The following TAFA1 variants were observed in gnomAD, a reference collection of about 807,000 sequenced individuals.
The protein encoded by TAFA1 is chemokine-like protein TAFA-1.
A neutral mutation model predicts 18.5 loss-of-function variants in TAFA1; 4 were observed. The ratio of observed to expected loss-of-function variants is 0.22; its 90% CI spans 0.11 to 0.49. The LOEUF is 0.49. TAFA1 is among the 20% of genes least tolerant of loss of function. TAFA1 has a pLI of 0.98. For synonymous variants in TAFA1, 56 were observed against 55.2 expected (o/e 1.01, Z -0.06); for missense variants, 147 against 169.0 (o/e 0.87, Z 0.72).
chr3:68,466,692 G>A (rs2071891510), intron 3 of TAFA1, among the ~76,000 whole-genome samples: 1 of 152,076 alleles, frequency 6.6e-6, no homozygotes, highest in Non-Finnish European at 1.5e-5. Flanking sequence ...AATAGCCCCT[G>A]ATTTCAATAT....
At chr3:68,395,080 A>G (rs2070347094) in intron 2 of TAFA1, among the ~76,000 whole-genome samples, 1 of 152,192 alleles carries the variant, frequency 6.6e-6, no homozygotes, top group African/African-American at 2.4e-5. Context: ...AGAAACTACA[A>G]GGAACTTAAA....
At chr3:68,065,438 G>A (rs2064660769) in intron 2 of TAFA1, among the ~76,000 whole-genome samples, 1 of 152,076 alleles carries the variant, frequency 6.6e-6, no homozygotes, top group Non-Finnish European at 1.5e-5. Flanking sequence ...ACATTACAAG[G>A]GCACGTAATG....
chr3:68,310,238 A>G (rs2068491928), intron 2 of TAFA1, among the ~76,000 whole-genome samples: 2 of 152,126 alleles, frequency 1.3e-5, no homozygotes, highest in Admixed American at 1.3e-4. Context: ...AGACTTCACC[A>G]CTTTTTCTAG....
intron 3 of TAFA1, among the ~76,000 whole-genome samples, chr3:68,529,428 C>T (rs1020492519): frequency 1.9e-5 from 2 of 105,970 alleles, no homozygotes; most frequent in African/African-American, 7.4e-5. Context: ...TCTAGATTCA[C>T]CATTCTCTAA....
At chr3:68,405,699 CAAAAAAAA>C (rs56258198) in intron 2 of TAFA1, among the ~76,000 whole-genome samples, 7,836 of 32,904 alleles carry the variant, frequency 0.24, 1,315 homozygotes, top group African/African-American at 0.41. Context: ...GACTCTATCT[CAAAAAAAA>C]AAAAAAAAAA....
Position 68,012,676 on chromosome 3 carries a change from A to G in TAFA1, c.118+5932A>G, listed in dbSNP as rs139424266. The stretch of plus-strand genomic sequence containing the variant: ...GGATTCATTTTTGGAATGAACATAT[A>G]TTGCTTTTTATCAAAAAGCTTAAAA... On this transcript the variant is annotated intron_variant, in intron 2 of 4. Coordinates refer to ENST00000478136, the MANE Select transcript of TAFA1 (RefSeq NM_213609.4). 3.5e-3 allele frequency among the ~76,000 whole-genome samples: 539 copies of G among 152,322 alleles called. 5 individuals carry two copies. Among genetic ancestry groups the G allele is most frequent in the African/African-American group, 0.013 (520 of 41,582 alleles).
intron 2 of TAFA1, among the ~76,000 whole-genome samples, chr3:68,402,470 G>A (rs9829777): frequency 2.0e-4 from 31 of 152,142 alleles, no homozygotes; most frequent in African/African-American, 5.8e-4. Flanking sequence ...TATGTAACTC[G>A]GTAGAGTCAA....
intron 2 of TAFA1, among the ~76,000 whole-genome samples, chr3:68,150,233 A>G (rs1179645664): frequency 6.6e-6 from 1 of 152,198 alleles, no homozygotes; most frequent in African/African-American, 2.4e-5. Flanking sequence ...AGATACAAAG[A>G]CGAATGAAGC....
chr3:68,277,380 T>C (rs191676807), intron 2 of TAFA1, among the ~76,000 whole-genome samples: 87 of 152,292 alleles, frequency 5.7e-4, no homozygotes, highest in African/African-American at 1.9e-3. Flanking sequence ...AGGATCCTTC[T>C]GGCTTTCTAT....
At chr3:68,343,698 AT>A (rs951790178) in intron 2 of TAFA1, among the ~76,000 whole-genome samples, 2 of 151,874 alleles carry the variant, frequency 1.3e-5, no homozygotes, top group Non-Finnish European at 2.9e-5. Flanking sequence ...GTTGCCACAT[AT>A]TTTTTTTATG....
chr3:68,271,677 G>A (rs932317540), intron 2 of TAFA1, among the ~76,000 whole-genome samples: 2 of 152,102 alleles, frequency 1.3e-5, no homozygotes, highest in East Asian at 1.9e-4. Context: ...TGTTTGTGTC[G>A]AATACCCCAC....
chr3:68,447,981 A>G (rs2071500053), intron 3 of TAFA1, among the ~76,000 whole-genome samples: 1 of 152,212 alleles, frequency 6.6e-6, no homozygotes, highest in African/African-American at 2.4e-5. Flanking sequence ...CCAAGGTTAA[A>G]TAATTTACCC....
intron 2 of TAFA1, among the ~76,000 whole-genome samples, chr3:68,293,906 T>G (rs2068158917): frequency 1.3e-5 from 2 of 152,096 alleles, no homozygotes; most frequent in Non-Finnish European, 2.9e-5. Flanking sequence ...GAGAACCTTG[T>G]CAAAAAACAC....
chr3:68,178,870 G>A (rs536268746), intron 2 of TAFA1, among the ~76,000 whole-genome samples: 168 of 152,346 alleles, frequency 1.1e-3, no homozygotes, highest in African/African-American at 3.9e-3. Context: ...GCTTCCAGCT[G>A]GTGGTGGAGA....
chr3:68,125,221 G>C lies in TAFA1; in HGVS notation c.118+118477G>C, dbSNP rs368403883. ...CAGCACAGCACTTCTCTGTGCCTTA[G>C]TTGCCTTGTCTGTAAAGTTGGACTG... is the stretch of plus-strand genomic sequence containing the variant. On this transcript the variant is annotated intron_variant, in intron 2 of 4. Transcript: ENST00000478136. Among the ~76,000 whole-genome samples, 7 of 152,178 alleles carry C rather than the reference G, an allele frequency of 4.6e-5. No homozygotes were observed. In the South Asian group the frequency reaches 1.4e-3, roughly 31 times the overall value.
At chr3:68,505,118 T>C (rs1330654769) in intron 3 of TAFA1, among the ~76,000 whole-genome samples, 2 of 152,124 alleles carry the variant, frequency 1.3e-5, no homozygotes, top group Non-Finnish European at 2.9e-5. Context: ...GTCAGTAAAT[T>C]GTTCTACTCA....
chr3:68,403,629 C>T (rs764784383), intron 2 of TAFA1, among the ~76,000 whole-genome samples: 4 of 152,202 alleles, frequency 2.6e-5, no homozygotes, highest in African/African-American at 4.8e-5. Context: ...CATACAGCTA[C>T]ACTAACTTGT....
intron 3 of TAFA1, among the ~76,000 whole-genome samples, chr3:68,511,833 C>T (rs1055132756): frequency 1.3e-5 from 2 of 151,764 alleles, no homozygotes; most frequent in Admixed American, 6.6e-5. Context: ...ATAAGTAATA[C>T]ACAATATTTA....
chr3:68,386,672 T>G (rs908211009), intron 2 of TAFA1, among the ~76,000 whole-genome samples: 2 of 152,140 alleles, frequency 1.3e-5, no homozygotes, highest in South Asian at 4.1e-4. Context: ...GAAGGCCAGC[T>G]GTGTAGCTGA....
Sources: gnomAD v4.1 joint callset for allele counts (sites outside exome capture counted in the v4.1 genomes callset) on GRCh38, gnomAD v4.1.1 for gene constraint, MANE v1.5 for transcripts, NCBI Gene and HGNC (gene_info 2026-07-23, HGNC 2026-07-21) for gene names.